Variants in FSIP1 observed in about 807,000 individuals in gnomAD.
FSIP1 encodes the protein fibrous sheath interacting protein 1.
A neutral mutation model predicts 60.9 loss-of-function variants in FSIP1; 65 were observed. That is an observed-to-expected ratio of 1.07 (90% CI 0.87 to 1.31). The LOEUF (loss-of-function observed/expected upper bound fraction) is 1.31, where lower values mean the gene tolerates loss of function less well. Among genes scored for constraint, FSIP1 ranks in the 40% most tolerant of loss-of-function variants. The pLI is 0.00. For missense variants in FSIP1, 675 were observed against 665.5 expected (o/e 1.01, Z -0.16); for synonymous variants, 209 against 221.2 (o/e 0.94, Z 0.49).
At chr15:39,739,607 C>T (rs1055627698) in intron 7 of FSIP1, 58 bp downstream of exon 7, 19 of 1,477,912 alleles carry the variant, frequency 1.3e-5, no homozygotes, top group African/African-American at 8.6e-5. Context: ...AAAACTATTG[C>T]CATTTTTTTC....
At chr15:39,609,601 T>C (rs577612999) in intron 11 of FSIP1, among the ~76,000 whole-genome samples, 1 of 152,294 alleles carries the variant, frequency 6.6e-6, no homozygotes, top group African/African-American at 2.4e-5. Flanking sequence ...GAAGCCTGCA[T>C]CCATGTGTTT....
intron 11 of FSIP1, among the ~76,000 whole-genome samples, chr15:39,616,485 C>A (rs974278625): frequency 2.0e-5 from 3 of 152,136 alleles, no homozygotes; most frequent in Admixed American, 1.3e-4. Flanking sequence ...GGGAAGGCTA[C>A]AATCAGAGAG....
chr15:39,710,355 C>A (rs1895447769), intron 10 of FSIP1, among the ~76,000 whole-genome samples: 1 of 150,410 alleles, frequency 6.6e-6, no homozygotes, highest in African/African-American at 2.5e-5. Context: ...TGGTGGCACA[C>A]ACCTGTAGTC....
At chr15:39,727,661 C>A (rs768807514) in intron 8 of FSIP1, among the ~76,000 whole-genome samples, 1 of 152,110 alleles carries the variant, frequency 6.6e-6, no homozygotes, top group Non-Finnish European at 1.5e-5. Context: ...TTTACAGAAC[C>A]TGGAGATAAT....
chr15:39,607,676 G>C (rs1440324958), intron 11 of FSIP1, among the ~76,000 whole-genome samples: 2 of 152,268 alleles, frequency 1.3e-5, no homozygotes, highest in South Asian at 2.1e-4. Context: ...CACTGAGTTT[G>C]GTTTTAGTTT....
chr15:39,627,939 A>G (rs2412412), intron 10 of FSIP1, among the ~76,000 whole-genome samples: 60,523 of 152,006 alleles, frequency 0.4, 14,400 homozygotes, highest in African/African-American at 0.68. Flanking sequence ...AACTCGAACC[A>G]AACCAAACAG....
At chr15:39,653,669 C>G (rs1892962974) in intron 10 of FSIP1, among the ~76,000 whole-genome samples, 1 of 152,124 alleles carries the variant, frequency 6.6e-6, no homozygotes, top group East Asian at 1.9e-4. Context: ...CCATGATGTT[C>G]TCATAACAGC....
intron 9 of FSIP1, among the ~76,000 whole-genome samples, chr15:39,719,649 G>A (rs930933785): frequency 6.6e-6 from 1 of 152,196 alleles, no homozygotes; most frequent in East Asian, 1.9e-4. Flanking sequence ...CTATGTTTTC[G>A]AGACAATGCT....
intron 2 of FSIP1, among the ~76,000 whole-genome samples, chr15:39,772,282 C>T (rs1276761094): frequency 6.6e-6 from 1 of 152,098 alleles, no homozygotes; most frequent in African/African-American, 2.4e-5. Flanking sequence ...ACATCACATC[C>T]CATCTCTGTA....
rs1218823567 is a variant in FSIP1 at position 39,664,927 on chromosome 15, A to G, written c.1189-46682T>C. ...TTTTTTAATGTAGCTATTTCCTCCC[A>G]CTAGAATATAAGCTCCATGAGAGCA... On this transcript the variant is annotated intron_variant, in intron 10 of 11. Transcript: ENST00000350221. Among the ~76,000 whole-genome samples the G allele has an allele frequency of 3.3e-5, 5 of 152,310 alleles. No individual in the cohort carries two copies. The South Asian group carries it at 1.0e-3, about 32-fold the overall frequency.
At chr15:39,641,611 T>C (rs1892372925) in intron 10 of FSIP1, among the ~76,000 whole-genome samples, 1 of 152,184 alleles carries the variant, frequency 6.6e-6, no homozygotes, top group African/African-American at 2.4e-5. Flanking sequence ...GACTTTCCAG[T>C]GAAAGTCGTT....
At chr15:39,644,893 T>C (rs935414478) in intron 10 of FSIP1, among the ~76,000 whole-genome samples, 5 of 152,220 alleles carry the variant, frequency 3.3e-5, no homozygotes, top group Admixed American at 2.6e-4. Flanking sequence ...TATCATTCCA[T>C]TTCTCATCCA....
At chr15:39,677,623 T>C (rs1216757883) in intron 10 of FSIP1, among the ~76,000 whole-genome samples, 1 of 152,182 alleles carries the variant, frequency 6.6e-6, no homozygotes, top group Non-Finnish European at 1.5e-5. Flanking sequence ...GTTAGAGTAT[T>C]ATATCTAATA....
At chr15:39,603,835 G>C (rs550891286) in intron 11 of FSIP1, among the ~76,000 whole-genome samples, 1 of 152,318 alleles carries the variant, frequency 6.6e-6, no homozygotes, top group East Asian at 1.9e-4. Flanking sequence ...GAAGTAAGTA[G>C]TAAACCATTT....
intron 1 of FSIP1, among the ~76,000 whole-genome samples, chr15:39,781,120 A>G (rs2140746006): frequency 6.6e-6 from 1 of 152,314 alleles, no homozygotes; most frequent in East Asian, 1.9e-4. Flanking sequence ...AGAATATATA[A>G]ACAAGTATCA....
intron 5 of FSIP1, among the ~76,000 whole-genome samples, chr15:39,750,285 G>A (rs938988411): frequency 6.6e-6 from 1 of 151,736 alleles, no homozygotes; most frequent in Admixed American, 6.6e-5. Context: ...CACAGCAATA[G>A]AAGTCCTAAA....
intron 10 of FSIP1, among the ~76,000 whole-genome samples, chr15:39,671,048 T>C (rs1417082975): frequency 6.6e-6 from 1 of 152,214 alleles, no homozygotes; most frequent in Non-Finnish European, 1.5e-5. Context: ...ATCAGGTTGA[T>C]TCTTGTTTTT....
At chr15:39,724,831 T>C (rs903331365) in intron 9 of FSIP1, among the ~76,000 whole-genome samples, 3 of 152,186 alleles carry the variant, frequency 2.0e-5, no homozygotes, top group Non-Finnish European at 2.9e-5. Context: ...AACTGAAACA[T>C]GAAAAGAATA....
intron 8 of FSIP1, among the ~76,000 whole-genome samples, chr15:39,732,358 G>A (rs1396862996): frequency 2.6e-5 from 4 of 152,134 alleles, no homozygotes; most frequent in Non-Finnish European, 5.9e-5. Context: ...GGTGCCTCAC[G>A]CCTGTAATCC....
Sources: allele counts gnomAD v4.1 joint callset (sites outside exome capture counted in the v4.1 genomes callset), GRCh38; gene constraint gnomAD v4.1.1; transcripts MANE v1.5; gene names NCBI Gene and HGNC (gene_info 2026-07-23, HGNC 2026-07-21).